Variants in KIF9 observed in about 807,000 individuals in gnomAD.
The protein encoded by KIF9 is kinesin family member 9.
KIF9 carries 68 observed loss-of-function variants against 94.8 expected under a neutral mutation model. The ratio of observed to expected loss-of-function variants is 0.72; its 90% CI spans 0.59 to 0.88. The LOEUF (loss-of-function observed/expected upper bound fraction) is 0.88, where lower values mean the gene tolerates loss of function less well. KIF9 is among the 40% of genes least tolerant of loss of function. The pLI, the probability that KIF9 is intolerant of heterozygous loss-of-function variation, is 0.00. For missense variants in KIF9, 882 were observed against 982.5 expected, an observed-to-expected ratio of 0.90 and a Z score of 1.37; for synonymous variants, 343 against 362.1, an observed-to-expected ratio of 0.95 and a Z score of 0.60.
intron 11 of KIF9, among the ~76,000 whole-genome samples, 168 bp downstream of exon 11, chr3:47,247,850 C>T (rs546360234): frequency 6.6e-6 from 1 of 152,290 alleles, no homozygotes; most frequent in Non-Finnish European, 1.5e-5. Context: ...CTCCCAACCC[C>T]TGTCCTCATG....
At chr3:47,266,844 C>A (rs554053384) in intron 7 of KIF9, 132 bp downstream of exon 7, 2 of 733,646 alleles carry the variant, frequency 2.7e-6, no homozygotes, top group Non-Finnish European at 4.8e-6. Flanking sequence ...AGCAAGCCCA[C>A]ATGTCCCACT....
chr3:47,244,755 C>A, intron 15 of KIF9, 36 bp downstream of exon 15: 3 of 1,611,002 alleles, frequency 1.9e-6, no homozygotes, highest in African/African-American at 1.3e-5. Context: ...CGAGGAGGGC[C>A]AGCTGCTGAG....
intron 1 of KIF9, chr3:47,282,263 C>CGTGGGACCCCTTT (rs1702427193): frequency 3.0e-6 from 3 of 985,576 alleles, no homozygotes; most frequent in South Asian, 9.4e-5. Context: ...CTGGACGCGA[C>CGTGGGACCCCTTT]GTGGGACCCC....
At chr3:47,242,501 A>G (rs540491998) in intron 16 of KIF9, among the ~76,000 whole-genome samples, 2 of 152,362 alleles carry the variant, frequency 1.3e-5, no homozygotes, top group Non-Finnish European at 2.9e-5. Flanking sequence ...AGAAATGTTC[A>G]TAGGTTGAAA....
intron 16 of KIF9, among the ~76,000 whole-genome samples, chr3:47,241,312 G>C (rs1360405761): frequency 1.3e-5 from 2 of 151,512 alleles, no homozygotes; most frequent in East Asian, 1.9e-4. Context: ...ATTTCCTTCT[G>C]TATTTCTTTC....
chr3:47,266,111 T>C, intron 7 of KIF9: 1 of 449,826 alleles, frequency 2.2e-6, no homozygotes, highest in Non-Finnish European at 4.0e-6. Context: ...CTCATGCGAA[T>C]GTGAATGCTT....
intron 10 of KIF9, 28 bp from the exon 11 acceptor site, chr3:47,248,114 C>A: frequency 6.4e-7 from 1 of 1,567,202 alleles, no homozygotes; most frequent in Non-Finnish European, 8.8e-7. Context: ...AGGGTGGGGG[C>A]CGACAGGAAG....
At chr3:47,269,944 A>G (rs1701534161) in intron 5 of KIF9, among the ~76,000 whole-genome samples, 1 of 151,578 alleles carries the variant, frequency 6.6e-6, no homozygotes, top group Non-Finnish European at 1.5e-5. Flanking sequence ...TAATTTTTGT[A>G]TTTGTAGTAG....
At chr3:47,256,307 G>C (rs1346364271) in intron 10 of KIF9, among the ~76,000 whole-genome samples, 1 of 151,736 alleles carries the variant, frequency 6.6e-6, no homozygotes, top group Non-Finnish European at 1.5e-5. Context: ...TCCCATCTAG[G>C]AAGTGAGGAG....
intron 1 of KIF9, among the ~76,000 whole-genome samples, chr3:47,279,350 G>A (rs562218998): frequency 7.9e-5 from 12 of 151,134 alleles, no homozygotes; most frequent in African/African-American, 2.4e-4. Context: ...AGTGGCAAGC[G>A]CCTGTAATCT....
At chr3:47,262,274 G>T (rs866114316) in intron 9 of KIF9, among the ~76,000 whole-genome samples, 20 of 143,808 alleles carry the variant, frequency 1.4e-4, no homozygotes, top group Middle Eastern at 7.1e-3. Context: ...GGGTTTTTTT[G>T]TTTTTTTTTT....
At chr3:47,234,195 C>G (rs1698835860) in intron 20 of KIF9, among the ~76,000 whole-genome samples, 1 of 151,424 alleles carries the variant, frequency 6.6e-6, no homozygotes, top group Admixed American at 6.6e-5. Flanking sequence ...CAGGGGTGCC[C>G]TATCAGAAGC....
chr3:47,244,588 T>C (rs774278316), intron 15 of KIF9: 15 of 627,460 alleles, frequency 2.4e-5, no homozygotes, highest in Non-Finnish European at 4.2e-5. Flanking sequence ...CAGGTTGCTG[T>C]GAGGACGAGA....
At chr3:47,264,171 C>A in intron 9 of KIF9, 115 bp downstream of exon 9, 1 of 802,786 alleles carries the variant, frequency 1.2e-6, no homozygotes. Flanking sequence ...TGGATCCTTC[C>A]ACTCTTGACA....
intron 8 of KIF9, among the ~76,000 whole-genome samples, chr3:47,264,576 AC>A (rs1467540722): frequency 1.3e-5 from 2 of 152,122 alleles, no homozygotes; most frequent in Non-Finnish European, 2.9e-5. Flanking sequence ...AGCTCGCACC[AC>A]AGGTGCACAC....
At chr3:47,282,268 G>A (rs41290658) in intron 1 of KIF9, 17,533 of 985,550 alleles carry the variant, frequency 0.018, 182 homozygotes, top group Middle Eastern at 0.032. Context: ...CGCGACGTGG[G>A]ACCCCTTTGT....
At chr3:47,277,568 A>C (rs1486962845) in intron 1 of KIF9, among the ~76,000 whole-genome samples, 189 bp from the exon 2 acceptor site, 1 of 152,134 alleles carries the variant, frequency 6.6e-6, no homozygotes, top group Non-Finnish European at 1.5e-5. Flanking sequence ...TGCTCAACAA[A>C]TACACGCACT....
At position 47,236,064 on chromosome 3, in the gene KIF9, G is replaced by A. The variant is rs997399941; in HGVS notation, c.2187C>T (p.Gly729=). 1.2e-6 allele frequency: 2 copies of A among 1,614,080 alleles called. No homozygotes were observed. The highest frequency in any genetic ancestry group is 2.7e-5 in the African/African-American group (2 of 75,056). The change falls in exon 19 of 21, where the codon GGC becomes GGT. Residue 729 remains glycine (G), a synonymous_variant. Transcript: ENST00000684063. The part of the protein sequence containing the change: ...ALKPGGSIRP[G]MVPVNRIVSL... Reference sequence around the variant, plus strand: ...ACACAATCCTGTTCACAGGGACCATGCCTGGCCGGATGCTGCCGCCTGGCT... The same window carrying A: ...ACACAATCCTGTTCACAGGGACCATACCTGGCCGGATGCTGCCGCCTGGCT...
chr3:47,263,531 C>A, intron 9 of KIF9: 1 of 200,450 alleles, frequency 5.0e-6, no homozygotes, highest in Non-Finnish European at 1.0e-5. Context: ...AGAGCCCCCA[C>A]CCCCCGCAGT....
Sources: allele counts gnomAD v4.1 joint callset (sites outside exome capture counted in the v4.1 genomes callset), GRCh38; gene constraint gnomAD v4.1.1; transcripts MANE v1.5; gene names NCBI Gene and HGNC (gene_info 2026-07-23, HGNC 2026-07-21).